Variants in ARFGEF1 observed in about 807,000 individuals in gnomAD.
ARFGEF1 encodes the protein brefeldin A-inhibited guanine nucleotide-exchange protein 1.
In ARFGEF1, 42 loss-of-function variants were observed where a neutral mutation model predicts 231.0. The observed-to-expected ratio is 0.18, with a 90% CI of 0.14 to 0.24. The LOEUF (loss-of-function observed/expected upper bound fraction) is 0.24, where lower values mean the gene tolerates loss of function less well. ARFGEF1 is among the 10% of genes least tolerant of loss of function. ARFGEF1 has a pLI of 1.00. For synonymous variants in ARFGEF1, 710 were observed against 732.3 expected (o/e 0.97, Z 0.49); for missense variants, 1,345 against 2,192.0 (o/e 0.61, Z 7.72).
At chr8:67,192,059 C>A (rs1836411284) in intron 5 of ARFGEF1, among the ~76,000 whole-genome samples, 1 of 146,938 alleles carries the variant, frequency 6.8e-6, no homozygotes, top group East Asian at 2.0e-4. Context: ...AAATCCTTTG[C>A]TGATTTGTTT....
intron 1 of ARFGEF1, among the ~76,000 whole-genome samples, chr8:67,319,521 C>CT (rs1421513118): frequency 6.7e-5 from 10 of 148,470 alleles, no homozygotes; most frequent in African/African-American, 2.5e-4. Context: ...AAAAAAAACT[C>CT]TTGACCTAAA....
chr8:67,334,005 G>A (rs1052015983), intron 1 of ARFGEF1, among the ~76,000 whole-genome samples: 6 of 151,878 alleles, frequency 4.0e-5, no homozygotes, highest in East Asian at 3.9e-4. Context: ...GCATGGTGGC[G>A]CATGCCTGTA....
rs183854015 is a variant in ARFGEF1, at chr8:67,211,801, T to G, written c.4687-186A>C. Reference sequence around the variant, plus strand: ...TGTACATAGAGAAAAGTTGACTTTCTGACCCTCACTGGGCTCAGGTCTGAA... The same window carrying G: ...TGTACATAGAGAAAAGTTGACTTTCGGACCCTCACTGGGCTCAGGTCTGAA... On this transcript the variant is annotated intron_variant, in intron 33 of 38. Coordinates refer to ENST00000262215, the MANE Select transcript of ARFGEF1 (RefSeq NM_006421.5). Among the ~76,000 whole-genome samples the G allele has an allele frequency of 2.3e-4, 35 of 152,350 alleles. 1 individual carries two copies. Among genetic ancestry groups the G allele is most frequent in the African/African-American group, 6.5e-4 (27 of 41,592 alleles).
At chr8:67,236,643 T>A (rs1480579678) in intron 22 of ARFGEF1, among the ~76,000 whole-genome samples, 1 of 151,874 alleles carries the variant, frequency 6.6e-6, no homozygotes, top group Non-Finnish European at 1.5e-5. Flanking sequence ...CCTTCTAGGA[T>A]GTGGATTCAA....
chr8:67,309,349 A>G (rs752406461), intron 1 of ARFGEF1, among the ~76,000 whole-genome samples: 7 of 152,286 alleles, frequency 4.6e-5, no homozygotes, highest in Non-Finnish European at 7.3e-5. Flanking sequence ...TCTGTTACAT[A>G]GAACAGGGAC....
intron 8 of ARFGEF1, 74 bp downstream of exon 8, chr8:67,277,208 T>C (rs1365135928): frequency 1.4e-6 from 2 of 1,448,928 alleles, no homozygotes; most frequent in Non-Finnish European, 1.9e-6. Context: ...AAAATACTCA[T>C]GACAAGGTGG....
Position 67,296,607 on chromosome 8 carries a change from A to C in ARFGEF1, c.463T>G (p.Leu155Val). Residue 155 changes from leucine to valine, a missense_variant, in exon 5 of 39, where the codon TTA becomes GTA. Leu to Val is a conservative substitution (Grantham distance 32). Transcript: ENST00000262215. Reference protein sequence around the residue: ...EGVQLQIIKALLTAVTSQHIE... With the variant: ...EGVQLQIIKAVLTAVTSQHIE... ...TGTTGTGATGTTACTGCAGTAAGTA[A>C]AGCCTTTAAGAAAAAAAAAGGAAAA... 1 of 1,569,346 alleles carries C rather than the reference A, an allele frequency of 6.4e-7. No homozygotes were observed. Among genetic ancestry groups the C allele is most frequent in the Non-Finnish European group, 8.6e-7 (1 of 1,162,438 alleles).
At chr8:67,258,350 G>C in intron 15 of ARFGEF1, 60 bp from the exon 16 acceptor site, 4 of 1,214,982 alleles carry the variant, frequency 3.3e-6, no homozygotes, top group Non-Finnish European at 4.6e-6. Context: ...TTTTGAGACA[G>C]AGTCTTGCTC....
intron 29 of ARFGEF1, among the ~76,000 whole-genome samples, chr8:67,222,268 TA>T (rs1210647731): frequency 4.0e-4 from 51 of 126,188 alleles, no homozygotes; most frequent in African/African-American, 1.4e-3. Flanking sequence ...TGTATGTATG[TA>T]TTTTTTTTTT....
chr8:67,238,616 G>C, intron 21 of ARFGEF1, 119 bp downstream of exon 21: 1 of 1,419,996 alleles, frequency 7.0e-7, no homozygotes, highest in Non-Finnish European at 9.6e-7. Flanking sequence ...AAAGCTAAAC[G>C]TACTTATTCG....
intron 30 of ARFGEF1, 99 bp from the exon 31 acceptor site, chr8:67,218,237 T>C (rs1839024063): frequency 4.2e-6 from 1 of 238,716 alleles, no homozygotes; most frequent in South Asian, 1.7e-4. Context: ...TATATATAAA[T>C]GTTTTCATAT....
At position 67,271,691 on chromosome 8, in the gene ARFGEF1, G is replaced by A. The variant is rs779738065; in HGVS notation, c.1572+11C>T. 94 of 1,575,146 alleles carry A rather than the reference G, an allele frequency of 6.0e-5. No homozygotes were observed. The East Asian group carries it at 2.0e-3, about 34-fold the overall frequency. ...TCCAATAGTAACATTATGCCTAAAT[G>A]CAAAACGTACCTCAATTTGCATCTT... is the stretch of plus-strand genomic sequence containing the variant. On this transcript the variant is annotated intron_variant, in intron 10 of 38. Coordinates refer to ENST00000262215, the MANE Select transcript of ARFGEF1 (RefSeq NM_006421.5).
At chr8:67,230,406 T>C (rs1033769285) in intron 23 of ARFGEF1, among the ~76,000 whole-genome samples, 3 of 152,142 alleles carry the variant, frequency 2.0e-5, no homozygotes, top group Non-Finnish European at 4.4e-5. Context: ...AAAAATGGTT[T>C]GCAAAACTTT....
At chr8:67,311,162 C>T (rs1184226709) in intron 1 of ARFGEF1, among the ~76,000 whole-genome samples, 5 of 142,182 alleles carry the variant, frequency 3.5e-5, no homozygotes, top group East Asian at 4.4e-4. Flanking sequence ...AGGTGAGGGG[C>T]GCCTCTGCCC....
intron 1 of ARFGEF1, among the ~76,000 whole-genome samples, chr8:67,321,169 G>C (rs963412006): frequency 1.3e-5 from 2 of 151,478 alleles, no homozygotes; most frequent in African/African-American, 4.9e-5. Context: ...GTATGGGGGG[G>C]GGTTTGGGGG....
At chr8:67,220,903 T>TA (rs1211288134) in intron 29 of ARFGEF1, among the ~76,000 whole-genome samples, 4 of 151,626 alleles carry the variant, frequency 2.6e-5, no homozygotes, top group Non-Finnish European at 5.9e-5. Flanking sequence ...TTTTCTTTTT[T>TA]TTTTTTTTTA....
At position 67,306,066 on chromosome 8, in the gene ARFGEF1, T is replaced by C. The variant is rs947298451; in HGVS notation, c.125-3600A>G. ...CAGCATATGATTGTTTTTTCTTAAG[T>C]TGAGAACTTTCACCTTTTCACCTAA... On this transcript the variant is annotated intron_variant, in intron 1 of 38. Coordinates refer to ENST00000262215, the MANE Select transcript of ARFGEF1 (RefSeq NM_006421.5). Among the ~76,000 whole-genome samples, 3 of 152,234 alleles carry C rather than the reference T, an allele frequency of 2.0e-5. No homozygotes were observed. The East Asian group carries it at 5.8e-4, about 29-fold the overall frequency.
At chr8:67,338,717 G>A (rs575741412) in intron 1 of ARFGEF1, among the ~76,000 whole-genome samples, 1 of 152,178 alleles carries the variant, frequency 6.6e-6, no homozygotes, top group South Asian at 2.1e-4. Context: ...TCAATCTTTC[G>A]GTTATGTCAT....
intron 1 of ARFGEF1, among the ~76,000 whole-genome samples, chr8:67,316,867 G>T (rs1034018739): frequency 1.3e-5 from 2 of 152,130 alleles, no homozygotes; most frequent in Non-Finnish European, 2.9e-5. Flanking sequence ...TATTCATGAT[G>T]AACCCCTTGG....
Sources: allele counts gnomAD v4.1 joint callset (sites outside exome capture counted in the v4.1 genomes callset), GRCh38; gene constraint gnomAD v4.1.1; transcripts MANE v1.5; gene names NCBI Gene and HGNC (gene_info 2026-07-23, HGNC 2026-07-21).